Variants in ASB3 observed in about 807,000 individuals in gnomAD.
ASB3 encodes ankyrin repeat and SOCS box containing 3.
A neutral mutation model predicts 54.5 loss-of-function variants in ASB3; 41 were observed. The ratio of observed to expected loss-of-function variants is 0.75; its 90% confidence interval spans 0.59 to 0.98. ASB3 has a LOEUF of 0.98. Among genes scored for constraint, ASB3 ranks in the 50% least tolerant of loss-of-function variants. The probability of loss-of-function intolerance (pLI) is 0.00; values close to 1 mark genes in which losing one functional copy is unlikely to be tolerated. For missense variants in ASB3, 733 were observed against 620.0 expected (o/e 1.18, Z -1.94); for synonymous variants, 266 against 221.2 (o/e 1.20, Z -1.80).
intron 9 of ASB3, among the ~76,000 whole-genome samples, chr2:53,673,434 C>G (rs11897630): frequency 0.048 from 7,280 of 152,258 alleles, 607 homozygotes; most frequent in African/African-American, 0.17. Context: ...TACCCTAAAA[C>G]TTAATGTAGT....
intron 7 of ASB3, among the ~76,000 whole-genome samples, chr2:53,708,776 G>A (rs938700938): frequency 2.0e-5 from 3 of 152,186 alleles, no homozygotes; most frequent in Non-Finnish European, 4.4e-5. Flanking sequence ...CCCCTGCTCT[G>A]GGGACCTGTA....
intron 8 of ASB3, among the ~76,000 whole-genome samples, chr2:53,696,895 T>A (rs1669211624): frequency 6.6e-6 from 1 of 152,138 alleles, no homozygotes; most frequent in Admixed American, 6.5e-5. Context: ...AGCATCCATG[T>A]GTCAGAGGTG....
intron 9 of ASB3, among the ~76,000 whole-genome samples, chr2:53,682,848 C>G (rs1212852746): frequency 6.6e-6 from 1 of 152,194 alleles, no homozygotes; most frequent in Admixed American, 6.5e-5. Context: ...CTTATTGAAT[C>G]TGTTCATCAG....
chr2:53,687,274 A>C (rs182395104), intron 9 of ASB3, among the ~76,000 whole-genome samples: 222 of 152,292 alleles, frequency 1.5e-3, no homozygotes, highest in African/African-American at 4.6e-3. Context: ...CAAAAACAAA[A>C]ACAAAAATCC....
chr2:53,738,432 A>G (rs1015033253), intron 3 of ASB3, among the ~76,000 whole-genome samples: 19 of 152,338 alleles, frequency 1.2e-4, no homozygotes, highest in African/African-American at 3.8e-4. Context: ...TTAAATTTTA[A>G]TTTTAATTAA....
At chr2:53,786,549 T>G (rs1251177484) in intron 1 of ASB3, 1 of 152,146 alleles carries the variant, frequency 6.6e-6, no homozygotes, top group African/African-American at 2.4e-5. Flanking sequence ...GCAGAAGAGA[T>G]GGAGATAAGC....
intron 3 of ASB3, among the ~76,000 whole-genome samples, chr2:53,736,916 G>A (rs956571118): frequency 2.6e-5 from 4 of 151,980 alleles, no homozygotes; most frequent in Admixed American, 1.3e-4. Context: ...CCCAGGAAGC[G>A]GAGGTTGCAG....
At chr2:53,671,402 G>T (rs183591337) in intron 9 of ASB3, among the ~76,000 whole-genome samples, 1 of 143,174 alleles carries the variant, frequency 7.0e-6, no homozygotes, top group East Asian at 2.1e-4. Flanking sequence ...GTGTGTATCT[G>T]GCAAGGCAGT....
chr2:53,671,360 G>GTGTC (rs1286557811), intron 9 of ASB3, among the ~76,000 whole-genome samples: 1 of 142,850 alleles, frequency 7.0e-6, no homozygotes, highest in Non-Finnish European at 1.5e-5. Flanking sequence ...AAGCGTGTGT[G>GTGTC]TGTGTGTGTG....
chr2:53,761,961 C>T (rs1224332486), intron 2 of ASB3, among the ~76,000 whole-genome samples: 6 of 152,196 alleles, frequency 3.9e-5, no homozygotes, highest in Non-Finnish European at 2.9e-5. Flanking sequence ...AATTACATTA[C>T]ATCTCTACCA....
intron 1 of ASB3, chr2:53,771,822 T>C (rs1673933652): frequency 3.9e-6 from 3 of 771,848 alleles, no homozygotes; most frequent in African/African-American, 1.8e-5. Flanking sequence ...AATTCAAATA[T>C]TCCATGTCAA....
intron 7 of ASB3, among the ~76,000 whole-genome samples, chr2:53,708,551 G>A (rs890040644): frequency 6.6e-6 from 1 of 152,234 alleles, no homozygotes. Flanking sequence ...TAATGGCAGA[G>A]AGTGGAAGAG....
chr2:53,734,515 T>C (rs1395404749), intron 3 of ASB3, among the ~76,000 whole-genome samples: 1 of 152,214 alleles, frequency 6.6e-6, no homozygotes, highest in Non-Finnish European at 1.5e-5. Flanking sequence ...GCCTATTATG[T>C]ACCAGGTAAT....
At chr2:53,721,137 T>A (rs1572905338) in intron 5 of ASB3, among the ~76,000 whole-genome samples, 1 of 148,002 alleles carries the variant, frequency 6.8e-6, no homozygotes, top group Non-Finnish European at 1.5e-5. Context: ...AATAAATAAA[T>A]AAATAAATAA....
At chr2:53,774,234 A>G in intron 1 of ASB3, 1 of 1,614,190 alleles carries the variant, frequency 6.2e-7, no homozygotes, top group East Asian at 2.2e-5. Flanking sequence ...GAGGCTACAG[A>G]ACCACAACAG....
chr2:53,751,019 G>T lies in ASB3; in HGVS notation c.197-78C>A, dbSNP rs1405786161. The T allele has an allele frequency of 6.5e-6, 9 of 1,377,190 alleles. No homozygotes were observed. The Admixed American group carries it at 2.5e-4, about 39-fold the overall frequency. 85.3% of individuals were successfully genotyped at this position (1,377,190 alleles called of 1,614,324 possible). A position where few individuals can be genotyped will look rare whatever the true frequency, so the allele number is the denominator to read the frequency against. On this transcript the variant is annotated intron_variant, in intron 2 of 9. Transcript: ENST00000263634. ...TTTTAAAAAGCAAAGATTCCAAGAG[G>T]AATTTAATGAACTATTAAAATGTAA...
At chr2:53,723,672 A>G (rs1670835673) in intron 5 of ASB3, among the ~76,000 whole-genome samples, 1 of 152,200 alleles carries the variant, frequency 6.6e-6, no homozygotes, top group African/African-American at 2.4e-5. Context: ...CACATTACCC[A>G]ATTTCAAACT....
At chr2:53,714,092 A>G (rs1272996603) in intron 7 of ASB3, among the ~76,000 whole-genome samples, 2 of 152,154 alleles carry the variant, frequency 1.3e-5, no homozygotes, top group East Asian at 3.8e-4. Flanking sequence ...TGTTTTGAAG[A>G]CCAAAAATAT....
At chr2:53,701,228 G>A (rs999712896) in intron 7 of ASB3, among the ~76,000 whole-genome samples, 2 of 151,878 alleles carry the variant, frequency 1.3e-5, no homozygotes, top group Non-Finnish European at 2.9e-5. Context: ...TCCCGCTTTG[G>A]TCTCCCAAAA....
Sources: gnomAD v4.1 joint callset for allele counts (sites outside exome capture counted in the v4.1 genomes callset) on GRCh38, gnomAD v4.1.1 for gene constraint, MANE v1.5 for transcripts, NCBI Gene and HGNC (gene_info 2026-07-23, HGNC 2026-07-21) for gene names.